The following ABL2 variants were observed in gnomAD, a reference collection of about 807,000 sequenced individuals.
ABL2 encodes the protein tyrosine-protein kinase ABL2.
A neutral mutation model predicts 107.7 loss-of-function variants in ABL2; 49 were observed. That is an observed-to-expected ratio of 0.45 (90% CI 0.36 to 0.58). The LOEUF is 0.58. ABL2 is among the 20% of genes least tolerant of loss of function. The pLI, the probability that ABL2 is intolerant of heterozygous loss-of-function variation, is 0.00. For synonymous variants in ABL2, 549 were observed against 548.6 expected, an observed-to-expected ratio of 1.00 and a Z score of -0.01; for missense variants, 1,245 against 1,457.0, an observed-to-expected ratio of 0.85 and a Z score of 2.37.
chr1:179,226,453 C>T (rs868348659), intron 1 of ABL2, among the ~76,000 whole-genome samples: 2 of 151,702 alleles, frequency 1.3e-5, no homozygotes, highest in Non-Finnish European at 2.9e-5. Context: ...GGACTACAGG[C>T]GCGTGCCACC....
Position 179,131,398 on chromosome 1 carries a change from G to C in ABL2, c.304C>G (p.Leu102Val). Residue 102 changes from leucine (L) to valine (V), a missense_variant, in exon 3 of 12, where the codon CTC becomes GTC. Around this residue, in one of 3 missense-constraint regions of ABL2, gnomAD observed 164 missense variants for 143.7 expected, o/e 1.14. Coordinates refer to ENST00000502732, the MANE Select transcript of ABL2 (RefSeq NM_007314.4). ...TTAGGGTCACTCTCAGTGGCTCCGA[G>C]CAAGTTCTCCTTGGAGCTCCACCTG... ...AIRWSSKENL[L>V]GATESDPNLF... 6.2e-7 allele frequency: 1 copy of C among 1,614,172 alleles called. No homozygotes were observed. The highest frequency in any genetic ancestry group is 8.5e-7 in the Non-Finnish European group (1 of 1,180,012).
intron 1 of ABL2, among the ~76,000 whole-genome samples, chr1:179,186,179 A>C (rs1660674763): frequency 6.6e-6 from 1 of 151,856 alleles, no homozygotes; most frequent in African/African-American, 2.4e-5. Flanking sequence ...TGGGAGGCAG[A>C]GGTTACAGTG....
chr1:179,143,216 G>A (rs1400433637), intron 1 of ABL2: 2 of 866,562 alleles, frequency 2.3e-6, no homozygotes, highest in Middle Eastern at 3.5e-4. Flanking sequence ...GGTGGAGAGT[G>A]ACCTAAAGGA....
At chr1:179,132,029 T>A (rs1334168670) in intron 2 of ABL2, among the ~76,000 whole-genome samples, 2 of 152,190 alleles carry the variant, frequency 1.3e-5, no homozygotes, top group Non-Finnish European at 2.9e-5. Flanking sequence ...ATAGAAAAAA[T>A]TATTTAAAAA....
intron 1 of ABL2, among the ~76,000 whole-genome samples, chr1:179,227,922 G>A (rs2124883225): frequency 6.6e-6 from 1 of 151,098 alleles, no homozygotes; most frequent in Non-Finnish European, 1.5e-5. Flanking sequence ...GTGGTGGCGG[G>A]CGCCTGTAAT....
At chr1:179,229,210 C>CCCCCCCCCCCA in intron 1 of ABL2, 31 bp downstream of exon 1, 3 of 1,488,998 alleles carry the variant, frequency 2.0e-6, no homozygotes, top group African/African-American at 1.5e-5. Context: ...GCCTCCCCCA[C>CCCCCCCCCCCA]GCTCTCATGC....
chr1:179,190,449 T>C (rs1291780242), intron 1 of ABL2, among the ~76,000 whole-genome samples: 1 of 152,188 alleles, frequency 6.6e-6, no homozygotes, highest in Non-Finnish European at 1.5e-5. Flanking sequence ...AACTTCCATG[T>C]GTTCAGCTAT....
At chr1:179,223,705 TA>T (rs766946487) in intron 1 of ABL2, among the ~76,000 whole-genome samples, 43 of 151,832 alleles carry the variant, frequency 2.8e-4, no homozygotes, top group Non-Finnish European at 5.3e-4. Context: ...TAAATAAAAA[TA>T]AAAAATGAAG....
chr1:179,148,900 GA>G (rs35904029), intron 1 of ABL2, among the ~76,000 whole-genome samples: 42,349 of 107,058 alleles, frequency 0.4, 6,668 homozygotes, highest in East Asian at 0.53. Context: ...ACTCCGTCTT[GA>G]AAAAAAAAAA....
intron 9 of ABL2, 33 bp downstream of exon 9, chr1:179,114,845 G>A: frequency 1.3e-6 from 2 of 1,569,428 alleles, no homozygotes; most frequent in Non-Finnish European, 1.7e-6. Context: ...GCTAGCTTAT[G>A]CCTTCAAAAT....
At chr1:179,116,298 C>A (rs372190011) in intron 8 of ABL2, among the ~76,000 whole-genome samples, 1 of 151,958 alleles carries the variant, frequency 6.6e-6, no homozygotes, top group Admixed American at 6.5e-5. Flanking sequence ...CGCTTGAACC[C>A]GGGAGATGGG....
chr1:179,147,687 G>T (rs1352643172), intron 1 of ABL2, among the ~76,000 whole-genome samples: 1 of 152,128 alleles, frequency 6.6e-6, no homozygotes, highest in East Asian at 1.9e-4. Context: ...ATACCGAATG[G>T]AATAATATAT....
intron 1 of ABL2, among the ~76,000 whole-genome samples, chr1:179,190,659 A>T (rs888683418): frequency 6.6e-6 from 1 of 151,862 alleles, no homozygotes; most frequent in African/African-American, 2.4e-5. Flanking sequence ...CCTTCTAATC[A>T]CGCCTCTCCT....
chr1:179,166,041 C>T (rs1009247638), intron 1 of ABL2, among the ~76,000 whole-genome samples: 16 of 152,136 alleles, frequency 1.1e-4, no homozygotes, highest in African/African-American at 3.6e-4. Flanking sequence ...AGGTGATCTG[C>T]CCGCCTCGGC....
At chr1:179,152,755 C>G (rs1410848448) in intron 1 of ABL2, among the ~76,000 whole-genome samples, 1 of 152,130 alleles carries the variant, frequency 6.6e-6, no homozygotes, top group East Asian at 1.9e-4. Context: ...CATAGACCAC[C>G]TGAAGTTGCA....
chr1:179,175,524 T>C (rs1299598189), intron 1 of ABL2, among the ~76,000 whole-genome samples: 1 of 152,180 alleles, frequency 6.6e-6, no homozygotes, highest in Non-Finnish European at 1.5e-5. Context: ...AAGACTTAAT[T>C]AGAATATTAC....
intron 10 of ABL2, chr1:179,110,848 G>C (rs1270521059): frequency 6.2e-7 from 1 of 1,613,852 alleles, no homozygotes; most frequent in African/African-American, 1.3e-5. Flanking sequence ...TAGGAGAACT[G>C]GTGGATCACA....
At chr1:179,117,546 C>A (rs763860673) in intron 7 of ABL2, 30 bp from the exon 8 acceptor site, 6 of 1,610,172 alleles carry the variant, frequency 3.7e-6, no homozygotes, top group Non-Finnish European at 4.2e-6. Context: ...AATGTGATTC[C>A]ATTCAGATGG....
intron 1 of ABL2, among the ~76,000 whole-genome samples, chr1:179,151,987 A>T (rs1342027492): frequency 6.6e-6 from 1 of 152,172 alleles, no homozygotes; most frequent in Non-Finnish European, 1.5e-5. Flanking sequence ...AACCTACTGG[A>T]TTCAAAGTCT....
Sources: gnomAD v4.1 joint callset for allele counts (sites outside exome capture counted in the v4.1 genomes callset) on GRCh38, gnomAD v4.1.1 for gene constraint, gnomAD v4.1.1 regional missense constraint, MANE v1.5 for transcripts, NCBI Gene and HGNC (gene_info 2026-07-23, HGNC 2026-07-21) for gene names.